SMAD3: variants seen among roughly 807,000 people sequenced by gnomAD.
SMAD3 encodes the protein MAD homolog 3.
Under a neutral mutation model 51.8 loss-of-function variants are expected in SMAD3, and 12 were observed. The observed-to-expected ratio is 0.23, with a 90% CI of 0.15 to 0.38. The LOEUF (loss-of-function observed/expected upper bound fraction) is 0.38. Among genes scored for constraint, SMAD3 ranks in the 10% least tolerant of loss-of-function variants. The pLI is 1.00. For synonymous variants in SMAD3, 238 were observed against 227.7 expected (o/e 1.05, Z -0.41); for missense variants, 294 against 565.6 (o/e 0.52, Z 4.87).
At chr15:67,112,006 T>C (rs1961024931) in intron 1 of SMAD3, among the ~76,000 whole-genome samples, 1 of 152,076 alleles carries the variant, frequency 6.6e-6, no homozygotes, top group Admixed American at 6.5e-5. Context: ...CAGGTTGGTC[T>C]TGAACTCCTG....
intron 1 of SMAD3, among the ~76,000 whole-genome samples, chr15:67,068,588 G>A (rs1028014820): frequency 3.3e-5 from 5 of 152,218 alleles, no homozygotes; most frequent in African/African-American, 1.2e-4. Context: ...ACTTTGTTAG[G>A]ACTGAGGCAT....
intron 1 of SMAD3, among the ~76,000 whole-genome samples, chr15:67,081,454 C>A (rs963307448): frequency 6.6e-6 from 1 of 152,178 alleles, no homozygotes; most frequent in Non-Finnish European, 1.5e-5. Context: ...GTCGTGAGTC[C>A]ATCCCACATT....
intron 1 of SMAD3, chr15:67,142,862 A>G (rs1387701270): frequency 6.6e-6 from 3 of 454,802 alleles, no homozygotes; most frequent in African/African-American, 6.0e-5. Flanking sequence ...GCTGGAACAC[A>G]GGGACATGAT....
rs1963427945 is a variant in SMAD3 at position 67,193,729 on chromosome 15, T to C, written c.*3193T>C. On this transcript the variant is annotated 3_prime_UTR_variant, in exon 9 of 9. Transcript: ENST00000327367. ...TTTTATTGACCATGGTGATTATTTTTTTAAACCATCGTTAATATACTGAAG... is the reference window on the plus strand; with the variant it reads ...TTTTATTGACCATGGTGATTATTTTCTTAAACCATCGTTAATATACTGAAG... 2 of 233,478 alleles carry C rather than the reference T, an allele frequency of 8.6e-6. No homozygotes were observed. The highest frequency in any genetic ancestry group is 1.7e-5 in the Non-Finnish European group (2 of 117,882). The allele number at this position is 233,478 out of a possible 1,614,324, so 14.5% of individuals were successfully genotyped here. A position where few individuals can be genotyped will look rare whatever the true frequency, so the allele number is the denominator to read the frequency against.
chr15:67,109,750 C>T (rs913263550), intron 1 of SMAD3, among the ~76,000 whole-genome samples: 8 of 152,216 alleles, frequency 5.3e-5, no homozygotes, highest in Non-Finnish European at 1.2e-4. Flanking sequence ...ACCCCGCGTG[C>T]TGCCTGCAGT....
Position 67,165,096 on chromosome 15 carries a change from G to C in SMAD3, c.400+8G>C. 6.2e-7 allele frequency: 1 copy of C among 1,613,242 alleles called. No homozygotes were observed. The highest frequency in any genetic ancestry group is 1.1e-5 in the South Asian group (1 of 91,066). On this transcript the variant is annotated splice_region_variant and intron_variant, in intron 2 of 8. Transcript: ENST00000327367. The stretch of plus-strand genomic sequence containing the variant: ...AGAGAGTAGAGACACCAGGTATGCT[G>C]CCTGGCCTGCCTGTGGGGACAGCAG...
rs199941431 is a variant in SMAD3, at chr15:67,136,702, CTG to C, written c.207-28191_207-28190del. 1.2e-4 allele frequency among the ~76,000 whole-genome samples: 18 copies of C among 152,294 alleles called. No homozygotes were observed. The East Asian group carries it at 3.3e-3, about 28-fold the overall frequency. ...TGCTTCCCTCCCCACTTTAACATAA[CTG>C]TAATATATAATTATTGTGGAAAATT... is the stretch of plus-strand genomic sequence containing the variant. On this transcript the variant is annotated intron_variant, in intron 1 of 8. Transcript: ENST00000327367.
At chr15:67,157,553 G>C (rs79174538) in intron 1 of SMAD3, among the ~76,000 whole-genome samples, 85 of 152,372 alleles carry the variant, frequency 5.6e-4, no homozygotes, top group African/African-American at 1.9e-3. Flanking sequence ...CTGGCACGTA[G>C]TTCATGCTGA....
At chr15:67,188,004 C>T (rs28564777) in intron 8 of SMAD3, among the ~76,000 whole-genome samples, 11,606 of 152,054 alleles carry the variant, frequency 0.076, 675 homozygotes, top group South Asian at 0.18. Context: ...GACTCAGGGA[C>T]CCTGGTGATG....
rs1963395188 is a variant in SMAD3 at position 67,192,634 on chromosome 15, T to G, written c.*2098T>G. On this transcript the variant is annotated 3_prime_UTR_variant, in exon 9 of 9. Coordinates refer to ENST00000327367, the MANE Select transcript of SMAD3 (RefSeq NM_005902.4). ...TTTCCGAGGGCCTGCATGATCCACC[T>G]GCTGCACGATCCTATGAGGGCTTCC... The G allele has an allele frequency of 4.3e-6, 1 of 233,178 alleles. No homozygotes were observed. The highest frequency in any genetic ancestry group is 5.6e-5 in the Admixed American group (1 of 17,770). The allele number at this position is 233,178 out of a possible 1,614,324, so 14.4% of individuals were successfully genotyped here. A position where few individuals can be genotyped will look rare whatever the true frequency, so the allele number is the denominator to read the frequency against.
intron 1 of SMAD3, among the ~76,000 whole-genome samples, chr15:67,082,778 C>T (rs1274045024): frequency 6.6e-6 from 1 of 152,164 alleles, no homozygotes; most frequent in Non-Finnish European, 1.5e-5. Context: ...GAAAACAGAG[C>T]CTGTCCCAAG....
chr15:67,129,273 T>G (rs554687790), intron 1 of SMAD3, among the ~76,000 whole-genome samples: 1 of 152,168 alleles, frequency 6.6e-6, no homozygotes, highest in African/African-American at 2.4e-5. Flanking sequence ...CTCAGGTTTG[T>G]TTAGCCTTCT....
At chr15:67,172,529 G>C (rs564462633) in intron 5 of SMAD3, among the ~76,000 whole-genome samples, 2 of 152,246 alleles carry the variant, frequency 1.3e-5, no homozygotes, top group African/African-American at 2.4e-5. Context: ...TAGCTGGAAG[G>C]GGGTGAGATG....
chr15:67,115,759 T>C (rs1318525694), intron 1 of SMAD3, among the ~76,000 whole-genome samples: 5 of 152,232 alleles, frequency 3.3e-5, no homozygotes, highest in Non-Finnish European at 4.4e-5. Flanking sequence ...TGTGCTGGGC[T>C]CTGGATATAG....
chr15:67,115,472 T>C (rs569486608), intron 1 of SMAD3, among the ~76,000 whole-genome samples: 22 of 152,310 alleles, frequency 1.4e-4, no homozygotes, highest in African/African-American at 5.3e-4. Context: ...GCTATTTCCA[T>C]CTACTTTGAA....
intron 1 of SMAD3, among the ~76,000 whole-genome samples, chr15:67,091,231 T>G (rs1354318638): frequency 2.0e-5 from 3 of 152,238 alleles, no homozygotes; most frequent in Non-Finnish European, 4.4e-5. Context: ...GTATTATTCC[T>G]GCTCCCCCAG....
chr15:67,108,029 T>C (rs1471819551), intron 1 of SMAD3, among the ~76,000 whole-genome samples: 2 of 137,278 alleles, frequency 1.5e-5, no homozygotes, highest in African/African-American at 5.4e-5. Flanking sequence ...GGACAGATCT[T>C]GCTTCAGCAC....
At chr15:67,181,936 A>C (rs71400361) in intron 6 of SMAD3, among the ~76,000 whole-genome samples, 1 of 151,928 alleles carries the variant, frequency 6.6e-6, no homozygotes, top group African/African-American at 2.4e-5. Flanking sequence ...CAGGCACCCA[A>C]CCACCACGCC....
chr15:67,129,575 T>C (rs79730172), intron 1 of SMAD3, among the ~76,000 whole-genome samples: 3,256 of 152,340 alleles, frequency 0.021, 130 homozygotes, highest in African/African-American at 0.074. Context: ...ACAGTGTCTA[T>C]AGAGTTTGGT....
Sources: gnomAD v4.1 joint callset for allele counts (sites outside exome capture counted in the v4.1 genomes callset) on GRCh38, gnomAD v4.1.1 for gene constraint, MANE v1.5 for transcripts, NCBI Gene and HGNC (gene_info 2026-07-23, HGNC 2026-07-21) for gene names.